Variants in PRKG1 observed in about 807,000 individuals in gnomAD.
The protein encoded by PRKG1 is protein kinase cGMP-dependent 1.
A neutral mutation model predicts 88.1 loss-of-function variants in PRKG1; 35 were observed. The ratio of observed to expected loss-of-function variants is 0.40; its 90% CI spans 0.30 to 0.53. PRKG1 has a LOEUF of 0.53. PRKG1 is among the 20% of genes least tolerant of loss of function. The pLI is 0.59. For synonymous variants in PRKG1, 303 were observed against 292.5 expected, an observed-to-expected ratio of 1.04 and a Z score of -0.37; for missense variants, 540 against 839.8, an observed-to-expected ratio of 0.64 and a Z score of 4.41.
At chr10:51,505,986 A>G (rs1010337449) in intron 3 of PRKG1, among the ~76,000 whole-genome samples, 1 of 151,864 alleles carries the variant, frequency 6.6e-6, no homozygotes, top group African/African-American at 2.4e-5. Flanking sequence ...TTCTGCTCTG[A>G]TCTTGGTTAT....
chr10:51,531,650 T>G (rs1190209396), intron 3 of PRKG1, among the ~76,000 whole-genome samples: 1 of 136,454 alleles, frequency 7.3e-6, no homozygotes, highest in African/African-American at 2.7e-5. Context: ...TTTTTTTTTT[T>G]TTTTTTTTTT....
chr10:51,071,259 C>T (rs1019399784), upstream of PRKG1, among the ~76,000 whole-genome samples: 1 of 152,094 alleles, frequency 6.6e-6, no homozygotes, highest in African/African-American at 2.4e-5. Context: ...AGATGGAAAC[C>T]TGGTCGCTCA....
chr10:51,449,339 T>C (rs1445591873), intron 2 of PRKG1, among the ~76,000 whole-genome samples: 1 of 151,802 alleles, frequency 6.6e-6, no homozygotes, highest in African/African-American at 2.4e-5. Context: ...CACTGTTCTT[T>C]GTAATGAATA....
intron 9 of PRKG1, among the ~76,000 whole-genome samples, chr10:52,227,206 A>G (rs566035201): frequency 9.9e-5 from 15 of 152,268 alleles, no homozygotes; most frequent in Non-Finnish European, 2.1e-4. Flanking sequence ...ATCTCTGGAA[A>G]AATAAGGAAA....
At chr10:52,106,723 T>TAATAATAATAAG (rs1554804714) in intron 7 of PRKG1, among the ~76,000 whole-genome samples, 1 of 147,530 alleles carries the variant, frequency 6.8e-6, no homozygotes, top group Non-Finnish European at 1.5e-5. Context: ...ATAATAATAA[T>TAATAATAATAAG]AATAATAATA....
chr10:51,157,191 G>A (rs1344616129), intron 2 of PRKG1, among the ~76,000 whole-genome samples: 2 of 151,808 alleles, frequency 1.3e-5, no homozygotes, highest in African/African-American at 4.8e-5. Flanking sequence ...AAGTCATCTG[G>A]GTGTAGTATG....
In PRKG1 at chr10:51,533,416, C is replaced by T. The variant is rs115334914; in HGVS notation, c.592+65580C>T. Among the ~76,000 whole-genome samples the T allele has an allele frequency of 3.5e-3, 531 of 152,308 alleles. 2 individuals carry two copies. The highest frequency in any genetic ancestry group is 0.017 in the Middle Eastern group (5 of 294). On this transcript the variant is annotated intron_variant, in intron 3 of 17. Transcript: ENST00000373980. The stretch of plus-strand genomic sequence containing the variant: ...ATCTCACATAAAACTAGAGGTAGTA[C>T]TGGAACTAAGTCCCTGACCCTCAAG...
intron 1 of PRKG1, among the ~76,000 whole-genome samples, chr10:51,099,103 C>G (rs1314932234): frequency 6.6e-6 from 1 of 152,090 alleles, no homozygotes; most frequent in Non-Finnish European, 1.5e-5. Flanking sequence ...GGAACACTCC[C>G]TTAATAAATT....
At position 52,097,386 on chromosome 10, in the gene PRKG1, A is replaced by G. The variant is rs1223654279; in HGVS notation, c.935+34755A>G. ...AATATTTGATTAGTAACTATTCAGT[A>G]GAATATATGGGTGTTGTTTTGCATT... On this transcript the variant is annotated intron_variant, in intron 7 of 17. Transcript: ENST00000373980. Among the ~76,000 whole-genome samples the G allele has an allele frequency of 3.9e-5, 6 of 152,172 alleles. No individual in the cohort carries two copies. The East Asian group carries it at 1.2e-3, about 29-fold the overall frequency.
At chr10:52,218,591 G>C (rs1225217641) in intron 9 of PRKG1, among the ~76,000 whole-genome samples, 1 of 152,072 alleles carries the variant, frequency 6.6e-6, no homozygotes, top group Non-Finnish European at 1.5e-5. Context: ...TCTCCAACCT[G>C]AATAGAAGTC....
At chr10:51,974,033 C>T (rs1043770903) in intron 5 of PRKG1, among the ~76,000 whole-genome samples, 2 of 152,238 alleles carry the variant, frequency 1.3e-5, no homozygotes, top group Middle Eastern at 3.4e-3. Flanking sequence ...TCCACATTGT[C>T]CATCATTTTC....
intron 3 of PRKG1, among the ~76,000 whole-genome samples, chr10:51,483,301 G>T (rs555432971): frequency 6.6e-6 from 1 of 152,066 alleles, no homozygotes; most frequent in African/African-American, 2.4e-5. Flanking sequence ...GATTACAGGC[G>T]TGAGCCACCG....
chr10:51,324,647 A>G (rs1331668874), intron 2 of PRKG1, among the ~76,000 whole-genome samples: 4 of 151,610 alleles, frequency 2.6e-5, no homozygotes, highest in Admixed American at 2.6e-4. Context: ...AGGCTGAGGC[A>G]GGACAATGGC....
At chr10:51,044,245 C>T (rs1843460259) in intron 1 of PRKG1, among the ~76,000 whole-genome samples, 1 of 152,142 alleles carries the variant, frequency 6.6e-6, no homozygotes. Flanking sequence ...CCTCACTAGA[C>T]TCTGTGTGGG....
intron 2 of PRKG1, among the ~76,000 whole-genome samples, chr10:51,231,379 G>A (rs1838839974): frequency 6.6e-6 from 1 of 152,084 alleles, no homozygotes; most frequent in Non-Finnish European, 1.5e-5. Flanking sequence ...AATATTCAGG[G>A]TGTATATTGC....
chr10:51,529,539 A>G (rs886126469), intron 3 of PRKG1, among the ~76,000 whole-genome samples: 3 of 152,224 alleles, frequency 2.0e-5, no homozygotes, highest in Non-Finnish European at 2.9e-5. Context: ...ATCCTTGGTA[A>G]TATACTTGCC....
chr10:51,628,787 G>A (rs979018445), intron 3 of PRKG1, among the ~76,000 whole-genome samples: 7 of 151,082 alleles, frequency 4.6e-5, no homozygotes, highest in South Asian at 2.1e-4. Context: ...GTGAAACCCC[G>A]TCTCTACTAA....
chr10:51,135,536 G>T (rs753134514), intron 1 of PRKG1, among the ~76,000 whole-genome samples: 3 of 152,098 alleles, frequency 2.0e-5, no homozygotes, highest in Non-Finnish European at 4.4e-5. Flanking sequence ...TATTTATTTT[G>T]AAATAGTTGA....
chr10:51,920,175 G>C (rs981418313), intron 5 of PRKG1, among the ~76,000 whole-genome samples: 3 of 152,084 alleles, frequency 2.0e-5, no homozygotes, highest in African/African-American at 7.2e-5. Flanking sequence ...AAGAAGGTGT[G>C]GGAAGCTAAG....
Sources: allele counts gnomAD v4.1 joint callset (sites outside exome capture counted in the v4.1 genomes callset), GRCh38; gene constraint gnomAD v4.1.1; transcripts MANE v1.5; gene names NCBI Gene and HGNC (gene_info 2026-07-23, HGNC 2026-07-21).